The following ADGRV1 variants were observed in gnomAD, a reference collection of about 807,000 sequenced individuals.
The protein encoded by ADGRV1 is G-protein coupled receptor 98.
ADGRV1 carries 359 observed loss-of-function variants against 596.2 expected under a neutral mutation model. The observed-to-expected ratio is 0.60, with a 90% confidence interval of 0.55 to 0.66. The LOEUF is 0.66. ADGRV1 is among the 30% of genes least tolerant of loss of function. The probability of loss-of-function intolerance (pLI) is 0.00; values close to 1 mark genes in which losing one functional copy is unlikely to be tolerated. For synonymous variants in ADGRV1, 2,681 were observed against 2,679.2 expected (o/e 1.00, Z -0.02); for missense variants, 7,274 against 7,575.6 (o/e 0.96, Z 1.48).
intron 21 of ADGRV1, among the ~76,000 whole-genome samples, chr5:90,671,461 G>A (rs115646215): frequency 0.012 from 1,895 of 152,218 alleles, 34 homozygotes; most frequent in African/African-American, 0.043. Flanking sequence ...TGGTGTACTC[G>A]ATCCTCTTTA....
intron 28 of ADGRV1, 119 bp downstream of exon 28, chr5:90,684,314 G>A (rs1336437494): frequency 1.0e-5 from 10 of 952,826 alleles, no homozygotes; most frequent in Admixed American, 9.1e-5. Context: ...CTTTGAAAAT[G>A]TCCTCTTACA....
chr5:90,881,351 G>A (rs771163030), intron 83 of ADGRV1, among the ~76,000 whole-genome samples: 5 of 152,122 alleles, frequency 3.3e-5, no homozygotes, highest in South Asian at 2.1e-4. Flanking sequence ...CAGTGTTGCC[G>A]GAAATTATGA....
chr5:90,889,996 C>T (rs926938532), intron 83 of ADGRV1, among the ~76,000 whole-genome samples: 2 of 152,148 alleles, frequency 1.3e-5, no homozygotes, highest in African/African-American at 4.8e-5. Flanking sequence ...CTCCTAAACC[C>T]AGTCTGGTTG....
At chr5:90,954,323 A>G (rs1777294444) in intron 83 of ADGRV1, among the ~76,000 whole-genome samples, 1 of 152,076 alleles carries the variant, frequency 6.6e-6, no homozygotes, top group Non-Finnish European at 1.5e-5. Context: ...GGGTTAGCAT[A>G]TTTTCTATTA....
chr5:91,032,085 A>G (rs1784528965), intron 85 of ADGRV1, among the ~76,000 whole-genome samples: 1 of 152,204 alleles, frequency 6.6e-6, no homozygotes, highest in Non-Finnish European at 1.5e-5. Flanking sequence ...ATGAGATTTG[A>G]GCAAAGATTT....
At chr5:90,672,044 C>T (rs1381488578) in intron 21 of ADGRV1, among the ~76,000 whole-genome samples, 2 of 152,148 alleles carry the variant, frequency 1.3e-5, no homozygotes, top group Non-Finnish European at 2.9e-5. Flanking sequence ...CAAAATGATA[C>T]CACCAAATAT....
chr5:90,893,146 T>C (rs1229351950), intron 83 of ADGRV1, among the ~76,000 whole-genome samples: 1 of 152,170 alleles, frequency 6.6e-6, no homozygotes, highest in Non-Finnish European at 1.5e-5. Flanking sequence ...TGAAGTTAAA[T>C]GCTTGACTGA....
intron 50 of ADGRV1, among the ~76,000 whole-genome samples, chr5:90,740,541 G>C (rs1360776076): frequency 6.6e-6 from 1 of 152,184 alleles, no homozygotes; most frequent in Admixed American, 6.5e-5. Flanking sequence ...TGGGAGGCCT[G>C]TCAACTGTGC....
At chr5:91,144,072 G>C (rs1275154575) in intron 87 of ADGRV1, among the ~76,000 whole-genome samples, 1 of 151,948 alleles carries the variant, frequency 6.6e-6, no homozygotes, top group Non-Finnish European at 1.5e-5. Context: ...CGGGCCTGCA[G>C]GGGCAGTGGG....
chr5:90,996,359 T>A (rs1448191141), intron 85 of ADGRV1, among the ~76,000 whole-genome samples: 1 of 152,126 alleles, frequency 6.6e-6, no homozygotes, highest in African/African-American at 2.4e-5. Flanking sequence ...CAGATATGTC[T>A]CAGGCCACCG....
intron 85 of ADGRV1, among the ~76,000 whole-genome samples, chr5:91,012,324 G>T (rs747650625): frequency 6.6e-6 from 1 of 151,868 alleles, no homozygotes; most frequent in Non-Finnish European, 1.5e-5. Context: ...AACAACTTAC[G>T]CTTTCCTTTC....
intron 87 of ADGRV1, among the ~76,000 whole-genome samples, chr5:91,108,756 A>C (rs1792114010): frequency 6.6e-6 from 1 of 151,960 alleles, no homozygotes; most frequent in African/African-American, 2.4e-5. Flanking sequence ...ATGCCTGGCT[A>C]TTTTTTTATT....
intron 11 of ADGRV1, among the ~76,000 whole-genome samples, chr5:90,641,778 G>A (rs985583580): frequency 2.0e-5 from 3 of 152,072 alleles, no homozygotes; most frequent in South Asian, 2.1e-4. Flanking sequence ...GTGACATTTC[G>A]CAAGGTTTAG....
chr5:90,960,150 A>C (rs987190505), intron 83 of ADGRV1, among the ~76,000 whole-genome samples: 16 of 147,246 alleles, frequency 1.1e-4, no homozygotes, highest in South Asian at 2.2e-4. Context: ...AAAAAAAAAA[A>C]AAACAAAAAA....
In ADGRV1 at chr5:90,829,146, C is replaced by T. The variant is rs374845054; in HGVS notation, c.16571C>T (p.Ser5524Phe). The T allele has an allele frequency of 2.1e-5, 34 of 1,599,208 alleles. No homozygotes were observed. The highest frequency in any genetic ancestry group is 1.4e-5 in the Non-Finnish European group (16 of 1,170,422). The change falls in exon 77 of 90, where the codon TCT becomes TTT. Residue 5524 changes from serine (S) to phenylalanine (F), a missense_variant. Transcript: ENST00000405460. ...TLISLQVARD[S>F]GTGLMMSVNF... ...ATCAGTCTGCAGGTGGCCAGAGATT[C>T]TGGGACAGGACTAATGATGTCTGTT... is the stretch of plus-strand genomic sequence containing the variant.
At chr5:90,881,310 G>T (rs1407109911) in intron 83 of ADGRV1, among the ~76,000 whole-genome samples, 1 of 152,274 alleles carries the variant, frequency 6.6e-6, no homozygotes, top group African/African-American at 2.4e-5. Context: ...GGAGAAGAAT[G>T]AAAAACAGCT....
At chr5:90,613,333 G>A (rs1421174974) in intron 1 of ADGRV1, among the ~76,000 whole-genome samples, 1 of 151,984 alleles carries the variant, frequency 6.6e-6, no homozygotes, top group African/African-American at 2.4e-5. Flanking sequence ...TCCTAAGTGG[G>A]ATGTGAAATC....
chr5:90,789,186 T>C (rs1759803023), intron 68 of ADGRV1, among the ~76,000 whole-genome samples: 1 of 152,158 alleles, frequency 6.6e-6, no homozygotes. Flanking sequence ...GAGGGTGATC[T>C]CCTTTACGTA....
intron 57 of ADGRV1, among the ~76,000 whole-genome samples, chr5:90,758,159 C>T (rs534203583): frequency 3.7e-4 from 56 of 152,108 alleles, no homozygotes; most frequent in Non-Finnish European, 5.7e-4. Flanking sequence ...AGTGAAACCC[C>T]GTCTGTACTA....
Sources: allele counts gnomAD v4.1 joint callset (sites outside exome capture counted in the v4.1 genomes callset), GRCh38; gene constraint gnomAD v4.1.1; transcripts MANE v1.5; gene names NCBI Gene and HGNC (gene_info 2026-07-23, HGNC 2026-07-21).